Variants in SV2B observed in about 807,000 individuals in gnomAD.
The protein encoded by SV2B is synaptic vesicle glycoprotein 2B.
SV2B carries 41 observed loss-of-function variants against 73.9 expected under a neutral mutation model. The ratio of observed to expected loss-of-function variants is 0.56; its 90% CI spans 0.43 to 0.72. The LOEUF is 0.72. SV2B is among the 30% of genes least tolerant of loss of function. The pLI is 0.00. For synonymous variants in SV2B, 314 were observed against 314.2 expected, an observed-to-expected ratio of 1.00 and a Z score of 0.01; for missense variants, 764 against 857.8, an observed-to-expected ratio of 0.89 and a Z score of 1.37.
At chr15:91,269,801 G>A (rs763576582) in intron 9 of SV2B, among the ~76,000 whole-genome samples, 4 of 152,198 alleles carry the variant, frequency 2.6e-5, no homozygotes, top group Non-Finnish European at 5.9e-5. Flanking sequence ...GAAGGTTTTG[G>A]ACTAAGTATC....
At chr15:91,264,436 G>C (rs1316223521) in intron 6 of SV2B, among the ~76,000 whole-genome samples, 2 of 152,252 alleles carry the variant, frequency 1.3e-5, no homozygotes, top group Non-Finnish European at 2.9e-5. Flanking sequence ...CATGGAAGCA[G>C]AGCAGAGAAA....
chr15:91,222,157 G>A (rs2046240875), intron 1 of SV2B, among the ~76,000 whole-genome samples: 1 of 152,090 alleles, frequency 6.6e-6, no homozygotes, highest in Non-Finnish European at 1.5e-5. Context: ...GCAGATCCCA[G>A]CCCCTAGGAT....
intron 1 of SV2B, among the ~76,000 whole-genome samples, chr15:91,187,032 C>T (rs1368425600): frequency 2.0e-5 from 3 of 152,154 alleles, no homozygotes; most frequent in Non-Finnish European, 2.9e-5. Context: ...ATTGAACATG[C>T]TCCATTCTTA....
At position 91,223,162 on chromosome 15, in the gene SV2B, T is replaced by C. The variant is rs2046270865; in HGVS notation, c.-391-2711T>C. Among the ~76,000 whole-genome samples the C allele has an allele frequency of 6.6e-6, 1 of 152,176 alleles. No individual in the cohort carries two copies. The highest frequency in any genetic ancestry group is 1.5e-5 in the Non-Finnish European group (1 of 68,040). ...CTGTGTCCTTTTGTGAAGACACCAGTCATATTGGATTAGGAGCCATCCGAA... is the reference window on the plus strand; with the variant it reads ...CTGTGTCCTTTTGTGAAGACACCAGCCATATTGGATTAGGAGCCATCCGAA... On this transcript the variant is annotated intron_variant, in intron 1 of 12. Transcript: ENST00000394232. This position sits in a 1 kb window ranked among gnomAD's most constrained non-coding sequence, Gnocchi z 4.6.
intron 10 of SV2B, among the ~76,000 whole-genome samples, chr15:91,282,522 C>T (rs570278948): frequency 6.6e-6 from 1 of 152,226 alleles, no homozygotes; most frequent in East Asian, 1.9e-4. Context: ...CCTACATTGT[C>T]TCAAGGGAGA....
At chr15:91,114,500 G>T (rs75243781) in intron 1 of SV2B, among the ~76,000 whole-genome samples, 8 of 152,124 alleles carry the variant, frequency 5.3e-5, no homozygotes, top group African/African-American at 1.9e-4. Flanking sequence ...TCCAGGCCTC[G>T]CTGGCCCTGA....
Position 91,281,965 on chromosome 15 carries a change from T to G in SV2B, c.1507+104T>G, listed in dbSNP as rs1008645752. On this transcript the variant is annotated intron_variant, in intron 10 of 12. Coordinates refer to ENST00000394232, the MANE Select transcript of SV2B (RefSeq NM_001323032.3). This position sits in a 1 kb window ranked among gnomAD's most constrained non-coding sequence, Gnocchi z 4.7. ...ATAAACTTTAGGAGTAGGAAAGTAT[T>G]CGTAGATACAAATGCCAAGCCTTGG... The G allele has an allele frequency of 6.9e-6, 9 of 1,313,084 alleles. No individual in the cohort carries two copies. The African/African-American group carries it at 1.4e-4, about 20-fold the overall frequency. 81.3% of individuals were successfully genotyped at this position (1,313,084 alleles called of 1,614,324 possible).
Position 91,197,611 on chromosome 15 carries a change from AAGG to A in SV2B, c.-391-28259_-391-28257del. 6.6e-6 allele frequency among the ~76,000 whole-genome samples: 1 copy of A among 152,342 alleles called. No individual in the cohort carries two copies. The highest frequency in any genetic ancestry group is 1.9e-4 in the East Asian group (1 of 5,192). ...ACTGTAAAGACAAGAATGGATAAGT[AAGG>A]AGAGTTATCCCTAGGAATACTATAT... On this transcript the variant is annotated intron_variant, in intron 1 of 12. Coordinates refer to ENST00000394232, the MANE Select transcript of SV2B (RefSeq NM_001323032.3). The surrounding 1 kb of genome is among the most constrained non-coding windows in gnomAD (Gnocchi z 4.9).
rs1407805475 is a variant in SV2B, at chr15:91,299,298, A to G, written c.*6746A>G. 6.6e-6 allele frequency: 1 copy of G among 152,216 alleles called. No homozygotes were observed. Among genetic ancestry groups the G allele is most frequent in the Admixed American group, 6.5e-5 (1 of 15,284 alleles). 9.4% of individuals were successfully genotyped at this position (152,216 alleles called of 1,614,324 possible). A position where few individuals can be genotyped will look rare whatever the true frequency, so the allele number is the denominator to read the frequency against. ...TTACAAATGACTGTTTTTTATTAAAACATTCCTCCAAAAGAACGGCAAAGC... is the reference window on the plus strand; with the variant it reads ...TTACAAATGACTGTTTTTTATTAAAGCATTCCTCCAAAAGAACGGCAAAGC... On this transcript the variant is annotated 3_prime_UTR_variant, in exon 13 of 13. Transcript: ENST00000394232.
intron 1 of SV2B, among the ~76,000 whole-genome samples, chr15:91,150,218 G>C (rs1276612356): frequency 6.6e-6 from 1 of 152,056 alleles, no homozygotes; most frequent in African/African-American, 2.4e-5. Flanking sequence ...TGTTGGCCAG[G>C]CTGGTCTCGA....
intron 1 of SV2B, among the ~76,000 whole-genome samples, chr15:91,222,189 T>G (rs1466051615): frequency 6.6e-6 from 1 of 152,136 alleles, no homozygotes; most frequent in Non-Finnish European, 1.5e-5. Context: ...TTGGAACCCC[T>G]TGGAGAACAA....
In SV2B at chr15:91,106,914, C is replaced by T. The variant is rs141007839; in HGVS notation, c.-392+6551C>T. Among the ~76,000 whole-genome samples the T allele has an allele frequency of 6.6e-6, 1 of 152,278 alleles. No homozygotes were observed. Among genetic ancestry groups the T allele is most frequent in the African/African-American group, 2.4e-5 (1 of 41,548 alleles). Reference sequence around the variant, plus strand: ...ATAAAAGGAAGAAATAGGGAATAGCCTTCATAGGAAAAGGGGAGGGCTGGA... The same window carrying T: ...ATAAAAGGAAGAAATAGGGAATAGCTTTCATAGGAAAAGGGGAGGGCTGGA... On this transcript the variant is annotated intron_variant, in intron 1 of 12. Coordinates refer to ENST00000394232, the MANE Select transcript of SV2B (RefSeq NM_001323032.3). The surrounding 1 kb of genome is among the most constrained non-coding windows in gnomAD (Gnocchi z 4.4).
chr15:91,135,758 C>T (rs577439954), intron 1 of SV2B, among the ~76,000 whole-genome samples: 1 of 152,304 alleles, frequency 6.6e-6, no homozygotes, highest in African/African-American at 2.4e-5. Context: ...CACATCTCTG[C>T]TTTGTGAAGT....
intron 1 of SV2B, among the ~76,000 whole-genome samples, chr15:91,158,099 G>A (rs1013086448): frequency 5.9e-5 from 9 of 152,148 alleles, no homozygotes; most frequent in Non-Finnish European, 1.0e-4. Context: ...GATATGGTTC[G>A]TTGGTCCTCA....
Position 91,294,571 on chromosome 15 carries a change from G to T in SV2B, c.*2019G>T, listed in dbSNP as rs2049156055. ...TATAGCTGTAATTTACTTTCCATAT[G>T]AATACAGTGGCTAGGTTCATAAAAG... On this transcript the variant is annotated 3_prime_UTR_variant, in exon 13 of 13. Coordinates refer to ENST00000394232, the MANE Select transcript of SV2B (RefSeq NM_001323032.3). The surrounding 1 kb of genome is among the most constrained non-coding windows in gnomAD (Gnocchi z 4.1). 1 of 152,012 alleles carries T rather than the reference G, an allele frequency of 6.6e-6. No homozygotes were observed. Among genetic ancestry groups the T allele is most frequent in the Non-Finnish European group, 1.5e-5 (1 of 68,036 alleles). The allele number at this position is 152,012 out of a possible 1,614,324, so 9.4% of individuals were successfully genotyped here. A position where few individuals can be genotyped will look rare whatever the true frequency, so the allele number is the denominator to read the frequency against.
rs2047525305 is a variant in SV2B at position 91,252,454 on chromosome 15, G to C, written c.718G>C (p.Gly240Arg). ...EKRGEHLSWL[G>R]IFWMTGGLYA... ...GCGAGGAGAACACCTCAGTTGGCTG[G>C]GCATCTTCTGGATGACTGGGGGCCT... is the stretch of plus-strand genomic sequence containing the variant. The change falls in exon 4 of 13, where the codon GGC (glycine) becomes CGC (arginine). Residue 240 changes from glycine (G) to arginine (R), a missense_variant. By Grantham distance (125) the Gly-to-Arg change is moderately radical. Coordinates refer to ENST00000394232, the MANE Select transcript of SV2B (RefSeq NM_001323032.3). The surrounding 1 kb of genome is among the most constrained non-coding windows in gnomAD (Gnocchi z 4.6). 3 of 1,613,476 alleles carry C rather than the reference G, an allele frequency of 1.9e-6. No individual in the cohort carries two copies. The highest frequency in any genetic ancestry group is 2.5e-6 in the Non-Finnish European group (3 of 1,179,742).
chr15:91,218,250 C>T (rs1015754637), intron 1 of SV2B, among the ~76,000 whole-genome samples: 1 of 152,132 alleles, frequency 6.6e-6, no homozygotes, highest in African/African-American at 2.4e-5. Context: ...GGGGAATTTA[C>T]CAAGGCCTGT....
rs940821725 is a variant in SV2B at position 91,123,390 on chromosome 15, A to G, written c.-392+23027A>G. ...GGTTTAGCCATTCCACGATGTATTC[A>G]TATTTGAAAACAACATTTTATATAT... On this transcript the variant is annotated intron_variant, in intron 1 of 12. Transcript: ENST00000394232. The surrounding 1 kb of genome is among the most constrained non-coding windows in gnomAD (Gnocchi z 4.7). Among the ~76,000 whole-genome samples the G allele has an allele frequency of 3.0e-4, 45 of 152,240 alleles. 1 individual carries two copies. The highest frequency in any genetic ancestry group is 2.8e-3 in the Admixed American group (43 of 15,288).
At position 91,123,908 on chromosome 15, in the gene SV2B, C is replaced by T. The variant is rs1384827244; in HGVS notation, c.-392+23545C>T. Among the ~76,000 whole-genome samples the T allele has an allele frequency of 6.6e-6, 1 of 152,192 alleles. No homozygotes were observed. Among genetic ancestry groups the T allele is most frequent in the Non-Finnish European group, 1.5e-5 (1 of 68,018 alleles). On this transcript the variant is annotated intron_variant, in intron 1 of 12. Coordinates refer to ENST00000394232, the MANE Select transcript of SV2B (RefSeq NM_001323032.3). The surrounding 1 kb of genome is among the most constrained non-coding windows in gnomAD (Gnocchi z 4.7). ...CACTTGGTCTGTGTCCCAGGCATAT[C>T]TATAAATTACTCCCTTACCTAGAAA...
Sources: gnomAD v4.1 joint callset for allele counts (sites outside exome capture counted in the v4.1 genomes callset) on GRCh38, gnomAD v4.1.1 for gene constraint, Gnocchi (gnomAD v3.1) non-coding constraint, MANE v1.5 for transcripts, NCBI Gene and HGNC (gene_info 2026-07-23, HGNC 2026-07-21) for gene names.